Variants in SUGCT observed in about 807,000 individuals in gnomAD.
The protein encoded by SUGCT is succinyl-CoA:glutarate-CoA transferase.
In SUGCT, 41 loss-of-function variants were observed where a neutral mutation model predicts 55.0. The observed-to-expected ratio is 0.74, with a 90% CI of 0.58 to 0.97. The LOEUF (loss-of-function observed/expected upper bound fraction) is 0.97. Among genes scored for constraint, SUGCT ranks in the 50% least tolerant of loss-of-function variants. SUGCT has a pLI of 0.00. For missense variants in SUGCT, 568 were observed against 547.8 expected (o/e 1.04, Z -0.37); for synonymous variants, 187 against 200.4 (o/e 0.93, Z 0.56).
At chr7:40,160,352 C>A (rs981850174) in intron 1 of SUGCT, among the ~76,000 whole-genome samples, 3 of 152,166 alleles carry the variant, frequency 2.0e-5, no homozygotes, top group Non-Finnish European at 1.5e-5. Flanking sequence ...CCTCAGCCTC[C>A]CAAGTAGCTG....
At chr7:40,791,131 T>G (rs1729886786) in intron 13 of SUGCT, among the ~76,000 whole-genome samples, 1 of 152,204 alleles carries the variant, frequency 6.6e-6, no homozygotes, top group African/African-American at 2.4e-5. Flanking sequence ...ATTAATTATC[T>G]TTGACAGAAA....
At chr7:40,742,826 T>C (rs567981940) in intron 12 of SUGCT, among the ~76,000 whole-genome samples, 1 of 152,362 alleles carries the variant, frequency 6.6e-6, no homozygotes, top group African/African-American at 2.4e-5. Flanking sequence ...TTGCCTTCAG[T>C]TATGTAACCT....
At chr7:41,007,356 G>C in the SUGCT span, among the ~76,000 whole-genome samples, 5 of 152,016 alleles carry the variant, frequency 3.3e-5, no homozygotes, top group African/African-American at 1.2e-4. Context: ...ACAACAAGTC[G>C]AGGCCTCCTT....
chr7:40,549,110 C>T lies in SUGCT; in HGVS notation c.1089+52724C>T, dbSNP rs376362197. On this transcript the variant is annotated intron_variant, in intron 12 of 13. Coordinates refer to ENST00000335693, the MANE Select transcript of SUGCT (RefSeq NM_001193313.2). The stretch of plus-strand genomic sequence containing the variant: ...GGAACACTTGTGAATGTATGGATTA[C>T]AACCTTCTTGTTCTCCTATTTCCCA... Among the ~76,000 whole-genome samples the T allele has an allele frequency of 1.5e-4, 23 of 152,276 alleles. No homozygotes were observed. The East Asian group carries it at 1.9e-3, about 13-fold the overall frequency.
At chr7:40,629,141 G>C (rs1474173596) in intron 12 of SUGCT, among the ~76,000 whole-genome samples, 1 of 152,098 alleles carries the variant, frequency 6.6e-6, no homozygotes, top group African/African-American at 2.4e-5. Context: ...GCTCCTTCTT[G>C]AGTATTTCAG....
At position 40,175,615 on chromosome 7, in the gene SUGCT, G is replaced by A. The variant is rs183942081; in HGVS notation, c.101-5332G>A. Reference sequence around the variant, plus strand: ...ATCTGCAGCACTATAACTCATGCCTGAATGAAGCTTATCTAACAATGTATT... The same window carrying A: ...ATCTGCAGCACTATAACTCATGCCTAAATGAAGCTTATCTAACAATGTATT... On this transcript the variant is annotated intron_variant, in intron 1 of 13. Coordinates refer to ENST00000335693, the MANE Select transcript of SUGCT (RefSeq NM_001193313.2). Among the ~76,000 whole-genome samples the A allele has an allele frequency of 9.3e-4, 141 of 152,012 alleles. 2 individuals are homozygous for A. Among genetic ancestry groups the A allele is most frequent in the African/African-American group, 3.3e-3 (135 of 41,522 alleles).
At chr7:40,687,947 G>A (rs953914374) in intron 12 of SUGCT, among the ~76,000 whole-genome samples, 1 of 152,142 alleles carries the variant, frequency 6.6e-6, no homozygotes, top group Admixed American at 6.5e-5. Context: ...TGTGTATTTG[G>A]AATTACAGGG....
intron 12 of SUGCT, among the ~76,000 whole-genome samples, chr7:40,690,641 T>C (rs1784653730): frequency 6.6e-6 from 1 of 152,106 alleles, no homozygotes; most frequent in Non-Finnish European, 1.5e-5. Context: ...GATCTCAGCT[T>C]ACTGCAACCT....
the SUGCT span, among the ~76,000 whole-genome samples, chr7:40,977,994 C>T: frequency 2.0e-5 from 3 of 152,148 alleles, no homozygotes; most frequent in South Asian, 2.1e-4. Flanking sequence ...TTTTCCTGTT[C>T]GCCATTGGCT....
intron 9 of SUGCT, among the ~76,000 whole-genome samples, chr7:40,428,362 A>G (rs968551739): frequency 6.6e-6 from 1 of 152,304 alleles, no homozygotes; most frequent in Middle Eastern, 3.4e-3. Flanking sequence ...AGTTTAATCC[A>G]TTGACATTTA....
chr7:40,268,886 C>T (rs138102290), intron 7 of SUGCT, among the ~76,000 whole-genome samples: 3,835 of 152,308 alleles, frequency 0.025, 152 homozygotes, highest in Admixed American at 0.099. Context: ...ATCCGCCCGC[C>T]TCAGGCTCCC....
At chr7:40,691,990 T>C (rs539196067) in intron 12 of SUGCT, among the ~76,000 whole-genome samples, 1 of 152,104 alleles carries the variant, frequency 6.6e-6, no homozygotes, top group Non-Finnish European at 1.5e-5. Context: ...TTCATGGAGG[T>C]CTTGCCATAG....
At chr7:40,770,792 C>A (rs997260532) in intron 13 of SUGCT, among the ~76,000 whole-genome samples, 1 of 152,072 alleles carries the variant, frequency 6.6e-6, no homozygotes, top group Non-Finnish European at 1.5e-5. Context: ...AGACTTTTTC[C>A]TAATCCCCAA....
chr7:40,533,242 T>G (rs1794187306), intron 12 of SUGCT, among the ~76,000 whole-genome samples: 1 of 152,122 alleles, frequency 6.6e-6, no homozygotes, highest in Non-Finnish European at 1.5e-5. Flanking sequence ...CCTATAAAAT[T>G]TTTGCACATT....
chr7:40,950,797 G>A, the SUGCT span, among the ~76,000 whole-genome samples: 1 of 152,174 alleles, frequency 6.6e-6, no homozygotes, highest in African/African-American at 2.4e-5. Context: ...TTGCATCCCA[G>A]GGATGAAGCC....
chr7:40,835,889 TC>T (rs148273922), intron 13 of SUGCT, among the ~76,000 whole-genome samples: 3 of 150,916 alleles, frequency 2.0e-5, no homozygotes, highest in Admixed American at 2.0e-4. Flanking sequence ...TTCTTTTTTT[TC>T]TTTTTTTTTT....
At chr7:40,324,490 A>G (rs1328184531) in intron 9 of SUGCT, among the ~76,000 whole-genome samples, 1 of 151,976 alleles carries the variant, frequency 6.6e-6, no homozygotes, top group African/African-American at 2.4e-5. Flanking sequence ...TCCCAACCTC[A>G]GGTGATCCAC....
chr7:40,944,784 A>C, the SUGCT span, among the ~76,000 whole-genome samples: 1 of 151,180 alleles, frequency 6.6e-6, no homozygotes, highest in South Asian at 2.1e-4. Context: ...ATTGGAAAAA[A>C]CTACTTTAAA....
At chr7:40,609,936 C>T (rs1358240233) in intron 12 of SUGCT, among the ~76,000 whole-genome samples, 1 of 152,160 alleles carries the variant, frequency 6.6e-6, no homozygotes, top group Non-Finnish European at 1.5e-5. Flanking sequence ...AGTGTTCAGG[C>T]TATTAGCCAC....
Sources: gnomAD v4.1 joint callset for allele counts (sites outside exome capture counted in the v4.1 genomes callset) on GRCh38, gnomAD v4.1.1 for gene constraint, MANE v1.5 for transcripts, NCBI Gene and HGNC (gene_info 2026-07-23, HGNC 2026-07-21) for gene names.